The following ROR2 variants were observed in gnomAD, a reference collection of about 807,000 sequenced individuals.
ROR2 encodes the protein tyrosine-protein kinase transmembrane receptor ROR2.
In ROR2, 33 loss-of-function variants were observed where a neutral mutation model predicts 74.9. The ratio of observed to expected loss-of-function variants is 0.44; its 90% CI spans 0.33 to 0.59. The LOEUF is 0.59. Ranked by LOEUF, ROR2 falls within the 20% of genes least tolerant of loss-of-function variation. The pLI, the probability that ROR2 is intolerant of heterozygous loss-of-function variation, is 0.02. For synonymous variants in ROR2, 586 were observed against 558.7 expected (o/e 1.05, Z -0.69); for missense variants, 1,216 against 1,313.8 (o/e 0.93, Z 1.15).
intron 6 of ROR2, 97 bp from the exon 7 acceptor site, chr9:91,731,252 T>C: frequency 6.5e-7 from 1 of 1,545,090 alleles, no homozygotes; most frequent in Non-Finnish European, 8.9e-7. Context: ...ATCCAAGGAT[T>C]TTACATAACT....
At chr9:91,889,696 T>C (rs1263772305) in intron 1 of ROR2, among the ~76,000 whole-genome samples, 1 of 152,148 alleles carries the variant, frequency 6.6e-6, no homozygotes, top group Non-Finnish European at 1.5e-5. Context: ...ACTAACTCCC[T>C]AAAACTGGGC....
At chr9:91,750,186 G>A (rs1825556021) in intron 4 of ROR2, among the ~76,000 whole-genome samples, 1 of 152,236 alleles carries the variant, frequency 6.6e-6, no homozygotes, top group Non-Finnish European at 1.5e-5. Context: ...ACAGGCATGA[G>A]CCGCTGCACC....
chr9:91,851,657 G>A (rs935637239), intron 1 of ROR2, among the ~76,000 whole-genome samples: 10 of 152,154 alleles, frequency 6.6e-5, no homozygotes, highest in East Asian at 1.9e-4. Flanking sequence ...AACAGATATC[G>A]TTACAATATT....
intron 1 of ROR2, among the ~76,000 whole-genome samples, chr9:91,813,354 T>C (rs1827821792): frequency 6.6e-6 from 1 of 152,226 alleles, no homozygotes; most frequent in Admixed American, 6.5e-5. Context: ...CTTGTCTAAA[T>C]GTATTTATAC....
intron 4 of ROR2, among the ~76,000 whole-genome samples, chr9:91,741,192 C>A (rs1055790577): frequency 5.3e-5 from 8 of 151,642 alleles, no homozygotes; most frequent in East Asian, 1.9e-4. Flanking sequence ...CCCAGCTACT[C>A]GGGAGGCTGA....
rs540107744 is a variant in ROR2 at position 91,845,587 on chromosome 9, T to C, written c.98-69769A>G. On this transcript the variant is annotated intron_variant, in intron 1 of 8. Coordinates refer to ENST00000375708, the MANE Select transcript of ROR2 (RefSeq NM_004560.4). ...TTGCTGGGGTATAATCTACATATAATAACACACACCCAGGCTGGGCGCGGT... is the reference window on the plus strand; with the variant it reads ...TTGCTGGGGTATAATCTACATATAACAACACACACCCAGGCTGGGCGCGGT... Among the ~76,000 whole-genome samples the C allele has an allele frequency of 3.9e-5, 6 of 152,094 alleles. No homozygotes were observed. In the East Asian group the frequency reaches 5.8e-4, roughly 15 times the overall value.
At chr9:91,795,574 G>A (rs1056675016) in intron 1 of ROR2, among the ~76,000 whole-genome samples, 3 of 151,990 alleles carry the variant, frequency 2.0e-5, no homozygotes, top group African/African-American at 4.8e-5. Flanking sequence ...TACTTCCCAC[G>A]CCCCTATAAA....
intron 1 of ROR2, among the ~76,000 whole-genome samples, chr9:91,823,330 C>A (rs1002738375): frequency 6.6e-6 from 1 of 151,714 alleles, no homozygotes; most frequent in African/African-American, 2.4e-5. Context: ...TCAAACTGTT[C>A]AGCAACACTT....
rs60583519 is a variant in ROR2 at position 91,862,245 on chromosome 9, G to A, written c.98-86427C>T. Among the ~76,000 whole-genome samples the A allele has an allele frequency of 2.4e-3, 358 of 152,246 alleles. 1 individual carries two copies. Among genetic ancestry groups the A allele is most frequent in the African/African-American group, 8.4e-3 (347 of 41,552 alleles). ...CTCAGGAGGCTGAGGCAAGAGAATG[G>A]TGTGAACCCAGGAAGCGGAGCTTGC... On this transcript the variant is annotated intron_variant, in intron 1 of 8. Coordinates refer to ENST00000375708, the MANE Select transcript of ROR2 (RefSeq NM_004560.4).
At chr9:91,925,462 C>CTG (rs1224637296) in intron 1 of ROR2, among the ~76,000 whole-genome samples, 2,004 of 126,138 alleles carry the variant, frequency 0.016, 33 homozygotes, top group African/African-American at 0.057. Context: ...TGTCAGCTGC[C>CTG]TGTATGTGTG....
chr9:91,813,941 A>G (rs1165061186), intron 1 of ROR2, among the ~76,000 whole-genome samples: 1 of 152,246 alleles, frequency 6.6e-6, no homozygotes, highest in African/African-American at 2.4e-5. Context: ...CCTATGGGAC[A>G]TGGTGGCACT....
In ROR2 at chr9:91,867,644, ACCACCCATG is replaced by A. The variant is rs1424883941; in HGVS notation, c.97+82214_97+82222del. Among the ~76,000 whole-genome samples the A allele has an allele frequency of 2.9e-5, 4 of 139,356 alleles. No individual in the cohort carries two copies. The East Asian group carries it at 8.4e-4, about 29-fold the overall frequency. 91.4% of individuals were successfully genotyped at this position (139,356 alleles called of 152,430 possible). The stretch of plus-strand genomic sequence containing the variant: ...TTAAAGTTGTTTACAAGTTCCTGAG[ACCACCCATG>A]AGCTGTGTGTGTGTGTGTGTGTGTG... On this transcript the variant is annotated intron_variant, in intron 1 of 8. Transcript: ENST00000375708.
rs145763219 is a variant in ROR2 at position 91,804,892 on chromosome 9, C to T, written c.98-29074G>A. Among the ~76,000 whole-genome samples, 225 of 152,266 alleles carry T rather than the reference C, an allele frequency of 1.5e-3. 1 individual carries two copies. Among genetic ancestry groups the T allele is most frequent in the African/African-American group, 5.1e-3 (212 of 41,546 alleles). ...ATCTAGCCCTCTCTATGACTGCACACCCACCCCCTAGGAAATTCCTTTTTC... is the reference window on the plus strand; with the variant it reads ...ATCTAGCCCTCTCTATGACTGCACATCCACCCCCTAGGAAATTCCTTTTTC... On this transcript the variant is annotated intron_variant, in intron 1 of 8. Transcript: ENST00000375708.
At chr9:91,930,991 C>A (rs1831535953) in intron 1 of ROR2, among the ~76,000 whole-genome samples, 1 of 152,064 alleles carries the variant, frequency 6.6e-6, no homozygotes, top group Non-Finnish European at 1.5e-5. Context: ...ACCTTCTAAT[C>A]ACTTGGATTT....
intron 8 of ROR2, 105 bp downstream of exon 8, chr9:91,726,436 T>C (rs1316626531): frequency 4.7e-6 from 5 of 1,072,282 alleles, no homozygotes; most frequent in Non-Finnish European, 5.7e-6. Context: ...AAAATAATTA[T>C]GTGCTATGTA....
intron 1 of ROR2, among the ~76,000 whole-genome samples, chr9:91,846,345 C>G (rs1296730756): frequency 6.6e-6 from 1 of 152,136 alleles, no homozygotes; most frequent in African/African-American, 2.4e-5. Flanking sequence ...AGTTGGCATC[C>G]TACAAGAAGG....
intron 1 of ROR2, among the ~76,000 whole-genome samples, chr9:91,888,365 A>G (rs1401137370): frequency 1.3e-5 from 2 of 152,190 alleles, no homozygotes; most frequent in Non-Finnish European, 2.9e-5. Flanking sequence ...CTCAATGGGA[A>G]GCAAATAGTG....
At chr9:91,910,970 G>A (rs1830964804) in intron 1 of ROR2, among the ~76,000 whole-genome samples, 1 of 152,150 alleles carries the variant, frequency 6.6e-6, no homozygotes, top group South Asian at 2.1e-4. Flanking sequence ...AGCCAACTAT[G>A]TAATACTTTT....
intron 1 of ROR2, among the ~76,000 whole-genome samples, chr9:91,895,692 A>C (rs1830519534): frequency 6.6e-6 from 1 of 152,142 alleles, no homozygotes; most frequent in South Asian, 2.1e-4. Context: ...AAAATACAAA[A>C]TTTAGGCGGG....
Sources: gnomAD v4.1 joint callset for allele counts (sites outside exome capture counted in the v4.1 genomes callset) on GRCh38, gnomAD v4.1.1 for gene constraint, MANE v1.5 for transcripts, NCBI Gene and HGNC (gene_info 2026-07-23, HGNC 2026-07-21) for gene names.